Variants in PRR11 observed in about 807,000 individuals in gnomAD.
The protein encoded by PRR11 is proline-rich protein 11.
A neutral mutation model predicts 45.6 loss-of-function variants in PRR11; 30 were observed. The observed-to-expected ratio is 0.66, with a 90% CI of 0.49 to 0.89. The LOEUF is 0.89. PRR11 is among the 40% of genes least tolerant of loss of function. The pLI, the probability that PRR11 is intolerant of heterozygous loss-of-function variation, is 0.00. For missense variants in PRR11, 373 were observed against 424.8 expected (o/e 0.88, Z 1.07); for synonymous variants, 128 against 153.5 (o/e 0.83, Z 1.23).
chr17:59,193,550 A>G lies in PRR11; in HGVS notation c.461A>G (p.Lys154Arg). Residue 154 changes from lysine (K) to arginine (R), a missense_variant, in exon 5 of 10, where the codon AAA (lysine) becomes AGA (arginine). Physicochemically the swap from Lys to Arg is conservative, Grantham distance 26. Coordinates refer to ENST00000262293, the MANE Select transcript of PRR11 (RefSeq NM_018304.4). ...GGTCAAACATGTCACATGAGTGGTAAACTTACAAATGTGCCTGCCTGCGTT... is the reference window on the plus strand; with the variant it reads ...GGTCAAACATGTCACATGAGTGGTAGACTTACAAATGTGCCTGCCTGCGTT... ...SCGQTCHMSG[K>R]LTNVPACVLI... is the part of the protein sequence containing the mutation. 1 of 1,614,112 alleles carries G rather than the reference A, an allele frequency of 6.2e-7. No individual in the cohort carries two copies. Among genetic ancestry groups the G allele is most frequent in the Non-Finnish European group, 8.5e-7 (1 of 1,180,028 alleles).
Position 59,193,754 on chromosome 17 carries a change from T to C in PRR11, c.645+20T>C. ...CTTCAGGTAGGTAACAATCTAGTAA[T>C]GATATGTTTTGATATGTTTTGGTGA... is the stretch of plus-strand genomic sequence containing the variant. On this transcript the variant is annotated intron_variant, in intron 5 of 9. Coordinates refer to ENST00000262293, the MANE Select transcript of PRR11 (RefSeq NM_018304.4). 6.2e-7 allele frequency: 1 copy of C among 1,605,134 alleles called. No individual in the cohort carries two copies. The highest frequency in any genetic ancestry group is 8.5e-7 in the Non-Finnish European group (1 of 1,173,368).
chr17:59,199,506 A>G (rs527290848), intron 9 of PRR11, among the ~76,000 whole-genome samples: 2 of 152,334 alleles, frequency 1.3e-5, no homozygotes, highest in East Asian at 3.9e-4. Context: ...TACCCAACCC[A>G]GTAGATCAGC....
At chr17:59,184,066 C>A (rs938356485) in intron 2 of PRR11, among the ~76,000 whole-genome samples, 18 of 152,284 alleles carry the variant, frequency 1.2e-4, no homozygotes, top group African/African-American at 4.1e-4. Flanking sequence ...GATCTTGCCA[C>A]CGCACTCCAG....
chr17:59,171,860 G>A lies in PRR11; in HGVS notation c.128+1980G>A, dbSNP rs116831567. On this transcript the variant is annotated intron_variant, in intron 2 of 9. Transcript: ENST00000262293. ...AGTATCATAGATAAAAAGTGTACTC[G>A]CTTCAGGGGCACATATAATAATACA... is the stretch of plus-strand genomic sequence containing the variant. Among the ~76,000 whole-genome samples, 484 of 151,886 alleles carry A rather than the reference G, an allele frequency of 3.2e-3. 3 individuals are homozygous for A. Among genetic ancestry groups the A allele is most frequent in the African/African-American group, 0.011 (466 of 41,474 alleles).
chr17:59,181,210 G>A (rs184519827), intron 2 of PRR11, among the ~76,000 whole-genome samples: 5 of 150,616 alleles, frequency 3.3e-5, no homozygotes, highest in Non-Finnish European at 7.4e-5. Context: ...GGATGGTCTC[G>A]ATCTCCTGAC....
At position 59,202,252 on chromosome 17, in the gene PRR11, C is replaced by T. The variant is rs912726771; in HGVS notation, c.*621C>T. Reference sequence around the variant, plus strand: ...TTTAACTAGATAACTCTAGTTTGTACTGTATAGGTGCAGTTATGACAGTAA... The same window carrying T: ...TTTAACTAGATAACTCTAGTTTGTATTGTATAGGTGCAGTTATGACAGTAA... On this transcript the variant is annotated 3_prime_UTR_variant, in exon 10 of 10. Coordinates refer to ENST00000262293, the MANE Select transcript of PRR11 (RefSeq NM_018304.4). 2 of 153,066 alleles carry T rather than the reference C, an allele frequency of 1.3e-5. No homozygotes were observed. Among genetic ancestry groups the T allele is most frequent in the African/African-American group, 4.8e-5 (2 of 41,440 alleles). 9.5% of individuals were successfully genotyped at this position (153,066 alleles called of 1,614,324 possible). A position where few individuals can be genotyped will look rare whatever the true frequency, so the allele number is the denominator to read the frequency against.
rs1413266467 is a variant in PRR11, at chr17:59,205,073, CAA to C, written c.*3453_*3454del. Among the ~76,000 whole-genome samples the C allele has an allele frequency of 3.0e-5, 4 of 134,914 alleles. No individual in the cohort carries two copies. Among genetic ancestry groups the C allele is most frequent in the Admixed American group, 7.5e-5 (1 of 13,360 alleles). 88.5% of individuals were successfully genotyped at this position (134,914 alleles called of 152,430 possible). A position where few individuals can be genotyped will look rare whatever the true frequency, so the allele number is the denominator to read the frequency against. On this transcript the variant is annotated 3_prime_UTR_variant, in exon 10 of 10. Coordinates refer to ENST00000262293, the MANE Select transcript of PRR11 (RefSeq NM_018304.4). ...TGCTTTGCTACATAATGAGGCCAGGCAAAAAAAAAAAAGTCCTGTGGAAATCA... is the reference window on the plus strand; with the variant it reads ...TGCTTTGCTACATAATGAGGCCAGGCAAAAAAAAAAGTCCTGTGGAAATCA...
At chr17:59,181,928 C>G (rs1284577362) in intron 2 of PRR11, 2 of 1,125,604 alleles carry the variant, frequency 1.8e-6, no homozygotes, top group African/African-American at 3.2e-5. Context: ...TTCCCCTCCC[C>G]ATTCTTCCGT....
chr17:59,171,628 T>C (rs1380076408), intron 2 of PRR11, among the ~76,000 whole-genome samples: 1 of 152,050 alleles, frequency 6.6e-6, no homozygotes, highest in East Asian at 1.9e-4. Flanking sequence ...TTAAAATAAA[T>C]GTAGTAATAA....
At chr17:59,190,555 G>GT (rs1185978554) in intron 4 of PRR11, among the ~76,000 whole-genome samples, 1 of 152,162 alleles carries the variant, frequency 6.6e-6, no homozygotes, top group Non-Finnish European at 1.5e-5. Context: ...CTAGAAGGCT[G>GT]TATCAGTCAA....
intron 1 of PRR11, chr17:59,163,717 T>G (rs533304772): frequency 6.6e-6 from 1 of 152,280 alleles, no homozygotes; most frequent in South Asian, 2.1e-4. Context: ...GATTTATAAC[T>G]TCTAACAGTT....
Position 59,185,041 on chromosome 17 carries a change from G to T in PRR11, c.129-13G>T. 1 of 1,609,998 alleles carries T rather than the reference G, an allele frequency of 6.2e-7. No homozygotes were observed. On this transcript the variant is annotated splice_polypyrimidine_tract_variant and intron_variant, in intron 2 of 9. Coordinates refer to ENST00000262293, the MANE Select transcript of PRR11 (RefSeq NM_018304.4). ...AGGGGTTTTTTATTTGTTTCATTTT[G>T]TTTTTCCTACAGAGTCGGTATTTCT...
chr17:59,162,985 C>T lies in PRR11; in HGVS notation c.-5-6763C>T, dbSNP rs1417642172. On this transcript the variant is annotated intron_variant, in intron 1 of 9. Transcript: ENST00000262293. ...CCTCAGGTGATCTGCCTGCCTCAGC[C>T]TCTCAAAGTGCTGGGTTACAGGCAT... 2.0e-5 allele frequency among the ~76,000 whole-genome samples: 3 copies of T among 152,200 alleles called. No homozygotes were observed. The East Asian group carries it at 5.8e-4, about 29-fold the overall frequency.
At chr17:59,173,629 C>T (rs537804873) in intron 2 of PRR11, among the ~76,000 whole-genome samples, 2 of 152,348 alleles carry the variant, frequency 1.3e-5, no homozygotes, top group South Asian at 2.1e-4. Context: ...ATCTGAACAT[C>T]AGAAGGAACA....
chr17:59,172,903 G>A (rs1317825706), intron 2 of PRR11, among the ~76,000 whole-genome samples: 2 of 152,236 alleles, frequency 1.3e-5, no homozygotes, highest in African/African-American at 4.8e-5. Context: ...TGAGGAGTGT[G>A]GGCACATGGC....
At chr17:59,175,917 AGAAATT>A (rs1438391326) in intron 2 of PRR11, among the ~76,000 whole-genome samples, 1 of 152,218 alleles carries the variant, frequency 6.6e-6, no homozygotes, top group African/African-American at 2.4e-5. Context: ...AAAAAATAAA[AGAAATT>A]GAATACATTG....
chr17:59,198,305 C>T (rs553121261), intron 9 of PRR11, among the ~76,000 whole-genome samples: 5 of 151,860 alleles, frequency 3.3e-5, no homozygotes, highest in East Asian at 3.9e-4. Context: ...TTTGGGAGGC[C>T]GAGGTGGGCA....
chr17:59,178,428 C>A, intron 2 of PRR11: 1 of 489,302 alleles, frequency 2.0e-6, no homozygotes, highest in Non-Finnish European at 4.1e-6. Context: ...CTCCCCCTGG[C>A]AGTGCACTGA....
intron 1 of PRR11, among the ~76,000 whole-genome samples, chr17:59,159,876 C>A (rs1185379672): frequency 1.3e-5 from 2 of 152,142 alleles, no homozygotes; most frequent in African/African-American, 2.4e-5. Flanking sequence ...TGTACCCTTG[C>A]TTTATTTCTC....
Sources: gnomAD v4.1 joint callset for allele counts (sites outside exome capture counted in the v4.1 genomes callset) on GRCh38, gnomAD v4.1.1 for gene constraint, MANE v1.5 for transcripts, NCBI Gene and HGNC (gene_info 2026-07-23, HGNC 2026-07-21) for gene names.